HLCS: variants seen among roughly 807,000 people sequenced by gnomAD.
The protein encoded by HLCS is holocarboxylase synthetase.
Under a neutral mutation model 75.0 loss-of-function variants are expected in HLCS, and 53 were observed. The ratio of observed to expected loss-of-function variants is 0.71; its 90% CI spans 0.57 to 0.89. The LOEUF is 0.89. Among genes scored for constraint, HLCS ranks in the 40% least tolerant of loss-of-function variants. The pLI is 0.00. For missense variants in HLCS, 966 were observed against 1,074.0 expected, an observed-to-expected ratio of 0.90 and a Z score of 1.41; for synonymous variants, 431 against 428.6, an observed-to-expected ratio of 1.01 and a Z score of -0.07.
intron 6 of HLCS, among the ~76,000 whole-genome samples, chr21:36,890,037 G>A (rs572187857): frequency 6.9e-4 from 105 of 152,098 alleles, no homozygotes; most frequent in Non-Finnish European, 1.4e-3. Context: ...GTTCTCATGA[G>A]ATCTGATGGT....
At chr21:36,948,690 C>T (rs545324148) in intron 2 of HLCS, among the ~76,000 whole-genome samples, 44 of 132,966 alleles carry the variant, frequency 3.3e-4, no homozygotes, top group African/African-American at 1.3e-3. Context: ...GATCATGCCA[C>T]TGCACTCCAG....
chr21:36,766,032 T>C (rs2090018070), intron 7 of HLCS, among the ~76,000 whole-genome samples: 1 of 152,176 alleles, frequency 6.6e-6, no homozygotes, highest in Non-Finnish European at 1.5e-5. Context: ...TTTCTTTACT[T>C]CCTTTCTTTC....
At chr21:36,820,112 C>G (rs1374873304) in intron 6 of HLCS, among the ~76,000 whole-genome samples, 1 of 152,202 alleles carries the variant, frequency 6.6e-6, no homozygotes, top group African/African-American at 2.4e-5. Context: ...AAGGTGGGTC[C>G]TTGGCCATCG....
At chr21:36,989,451 G>A (rs1358463449) in intron 1 of HLCS, among the ~76,000 whole-genome samples, 1 of 150,906 alleles carries the variant, frequency 6.6e-6, no homozygotes, top group Non-Finnish European at 1.5e-5. Context: ...AGCCTCCTGA[G>A]TAGCTGGGAT....
intron 5 of HLCS, among the ~76,000 whole-genome samples, chr21:36,903,343 C>T (rs1020790477): frequency 6.6e-6 from 1 of 152,120 alleles, no homozygotes; most frequent in Non-Finnish European, 1.5e-5. Context: ...TTATAACCAA[C>T]TCTGCCCCTA....
chr21:36,798,781 G>A (rs1325285759), intron 6 of HLCS, among the ~76,000 whole-genome samples: 2 of 152,198 alleles, frequency 1.3e-5, no homozygotes, highest in Non-Finnish European at 2.9e-5. Flanking sequence ...TTTCTCTGAA[G>A]ACTGGTGACA....
chr21:36,957,282 A>AG (rs1337017349), intron 2 of HLCS, among the ~76,000 whole-genome samples: 1 of 152,140 alleles, frequency 6.6e-6, no homozygotes, highest in Non-Finnish European at 1.5e-5. Context: ...CACCTCCCCC[A>AG]GCTCAGTCTC....
intron 2 of HLCS, among the ~76,000 whole-genome samples, chr21:36,952,086 A>C (rs2067693834): frequency 6.6e-6 from 1 of 152,216 alleles, no homozygotes; most frequent in South Asian, 2.1e-4. Context: ...GATGTGAAAA[A>C]ATATAAGATC....
intron 1 of HLCS, among the ~76,000 whole-genome samples, chr21:36,976,940 G>A (rs8127595): frequency 0.37 from 55,435 of 151,706 alleles, 10,242 homozygotes; most frequent in Admixed American, 0.39. Context: ...TGTGGTCCTC[G>A]TACATTTACA....
At chr21:36,778,895 G>A (rs2060444018) in intron 6 of HLCS, among the ~76,000 whole-genome samples, 2 of 152,112 alleles carry the variant, frequency 1.3e-5, no homozygotes, top group African/African-American at 4.8e-5. Flanking sequence ...TCTACTTTCA[G>A]GCATAAGAGG....
At chr21:36,764,884 C>T (rs2089978275) in intron 8 of HLCS, 128 bp downstream of exon 8, 2 of 1,015,306 alleles carry the variant, frequency 2.0e-6, no homozygotes, top group African/African-American at 1.6e-5. Context: ...GAGCACTTTG[C>T]TGCCAGCTGT....
intron 6 of HLCS, among the ~76,000 whole-genome samples, chr21:36,781,547 A>G (rs1334904396): frequency 6.6e-6 from 1 of 152,154 alleles, no homozygotes; most frequent in East Asian, 1.9e-4. Flanking sequence ...CTTGTTGTAT[A>G]TAAAAACTAT....
At chr21:36,891,176 C>T (rs550154094) in intron 6 of HLCS, among the ~76,000 whole-genome samples, 29 of 152,254 alleles carry the variant, frequency 1.9e-4, no homozygotes, top group Non-Finnish European at 3.8e-4. Context: ...GCTTCTTTAC[C>T]CCTTCCTCCC....
chr21:36,824,969 G>T (rs1384527285), intron 6 of HLCS, among the ~76,000 whole-genome samples: 2 of 152,202 alleles, frequency 1.3e-5, no homozygotes, highest in Admixed American at 6.5e-5. Context: ...CTTGTTTCTT[G>T]AGTTTGTCCT....
At chr21:36,855,965 T>C (rs2063177560) in intron 6 of HLCS, among the ~76,000 whole-genome samples, 1 of 151,518 alleles carries the variant, frequency 6.6e-6, no homozygotes, top group Admixed American at 6.6e-5. Context: ...AAGCCAGAGG[T>C]GAAAGGCCGC....
intron 1 of HLCS, among the ~76,000 whole-genome samples, chr21:36,962,894 C>T (rs891667659): frequency 7.2e-5 from 11 of 151,850 alleles, no homozygotes; most frequent in African/African-American, 2.7e-4. Context: ...TCCTTCATTC[C>T]CTACAGCCAT....
At chr21:36,864,194 G>GT (rs1274543214) in intron 6 of HLCS, among the ~76,000 whole-genome samples, 4 of 152,146 alleles carry the variant, frequency 2.6e-5, no homozygotes, top group Admixed American at 1.3e-4. Context: ...GAGGTCAGGA[G>GT]TTTGAGACCA....
chr21:36,937,082 C>T lies in HLCS; in HGVS notation c.804G>A (p.Lys268=), dbSNP rs1228716242. Residue 268 remains lysine (K), a synonymous_variant, in exon 4 of 11, where the codon AAG becomes AAA. Coordinates refer to ENST00000674895, the MANE Select transcript of HLCS (RefSeq NM_001352514.2). Reference sequence around the variant, plus strand: ...CTGGAATGTTCTCGGCAGACGCAAACTTGACTGACTCAATGGTGCTGTTCT... The same window carrying T: ...CTGGAATGTTCTCGGCAGACGCAAATTTGACTGACTCAATGGTGCTGTTCT... ...ELENSTIESV[K]FASAENIPDL... 1.9e-6 allele frequency: 3 copies of T among 1,614,176 alleles called. No individual in the cohort carries two copies. Among genetic ancestry groups the T allele is most frequent in the Middle Eastern group, 3.3e-4 (2 of 6,062 alleles).
intron 1 of HLCS, chr21:36,990,131 G>C (rs1336753211): frequency 1.3e-5 from 2 of 152,694 alleles, no homozygotes; most frequent in Non-Finnish European, 2.9e-5. Flanking sequence ...GCCCACCCCT[G>C]TCCCGGCCCG....
Sources: allele counts gnomAD v4.1 joint callset (sites outside exome capture counted in the v4.1 genomes callset), GRCh38; gene constraint gnomAD v4.1.1; transcripts MANE v1.5; gene names NCBI Gene and HGNC (gene_info 2026-07-23, HGNC 2026-07-21).